The following EBF3 variants were observed in gnomAD, a reference collection of about 807,000 sequenced individuals.
EBF3 encodes EBF transcription factor 3, also known as transcription factor COE3.
Under a neutral mutation model 77.1 loss-of-function variants are expected in EBF3, and 18 were observed. That is an observed-to-expected ratio of 0.23 (90% CI 0.16 to 0.35). The LOEUF (loss-of-function observed/expected upper bound fraction) is 0.35. EBF3 is among the 10% of genes least tolerant of loss of function. The probability of loss-of-function intolerance (pLI) is 1.00; values close to 1 mark genes in which losing one functional copy is unlikely to be tolerated. For missense variants in EBF3, 558 were observed against 860.0 expected (o/e 0.65, Z 4.39); for synonymous variants, 350 against 343.5 (o/e 1.02, Z -0.21).
intron 6 of EBF3, among the ~76,000 whole-genome samples, chr10:129,923,706 A>G (rs1856462517): frequency 6.6e-6 from 1 of 152,248 alleles, no homozygotes; most frequent in Admixed American, 6.5e-5. Flanking sequence ...AAGAAAACAG[A>G]GGGCAAAGAT....
intron 6 of EBF3, among the ~76,000 whole-genome samples, chr10:129,937,367 G>A (rs1857435235): frequency 6.6e-6 from 1 of 152,114 alleles, no homozygotes. Context: ...GACCCTGAGT[G>A]GGAATACGAT....
chr10:129,935,253 C>A lies in EBF3; in HGVS notation c.554+22005G>T, dbSNP rs1467096383. 2.6e-5 allele frequency among the ~76,000 whole-genome samples: 4 copies of A among 152,266 alleles called. No homozygotes were observed. The East Asian group carries it at 7.7e-4, about 29-fold the overall frequency. ...GCACCTGTCACAGCAGCCACTGTGG[C>A]CCATGGCTGTCCCAGCACCCAGAGT... is the stretch of plus-strand genomic sequence containing the variant. On this transcript the variant is annotated intron_variant, in intron 6 of 16. Transcript: ENST00000440978. The surrounding 1 kb of genome is among the most constrained non-coding windows in gnomAD (Gnocchi z 4.2).
intron 7 of EBF3, among the ~76,000 whole-genome samples, chr10:129,874,984 C>A (rs1852656016): frequency 6.6e-6 from 1 of 151,766 alleles, no homozygotes; most frequent in South Asian, 2.1e-4. Flanking sequence ...GTTTTTAAAC[C>A]TAAACTTCTC....
chr10:129,841,127 T>G lies in EBF3; in HGVS notation c.1373-95A>C. The G allele has an allele frequency of 6.7e-7, 1 of 1,488,880 alleles. No homozygotes were observed. Among genetic ancestry groups the G allele is most frequent in the Non-Finnish European group, 9.0e-7 (1 of 1,106,832 alleles). 92.2% of individuals were successfully genotyped at this position (1,488,880 alleles called of 1,614,324 possible). On this transcript the variant is annotated intron_variant, in intron 13 of 16. Coordinates refer to ENST00000440978, the MANE Select transcript of EBF3 (RefSeq NM_001375380.1). The surrounding 1 kb of genome is among the most constrained non-coding windows in gnomAD (Gnocchi z 4.6). Reference sequence around the variant, plus strand: ...GAGAATCTATATCATATATTAACATTGCTAATTGACCCTGTGCTTTCCACC... The same window carrying G: ...GAGAATCTATATCATATATTAACATGGCTAATTGACCCTGTGCTTTCCACC...
chr10:129,873,141 G>A (rs910429393), intron 8 of EBF3, among the ~76,000 whole-genome samples: 1 of 152,304 alleles, frequency 6.6e-6, no homozygotes, highest in Non-Finnish European at 1.5e-5. Flanking sequence ...CTGGATGGGC[G>A]CTTCCGACAA....
At chr10:129,877,719 G>C (rs1333785171) in intron 7 of EBF3, 49 bp downstream of exon 7, 3 of 1,497,512 alleles carry the variant, frequency 2.0e-6, no homozygotes, top group Non-Finnish European at 2.8e-6. Flanking sequence ...ATTCAAATTT[G>C]GTATGAAAAG....
At chr10:129,869,464 G>A (rs984193834) in intron 8 of EBF3, among the ~76,000 whole-genome samples, 2 of 152,016 alleles carry the variant, frequency 1.3e-5, no homozygotes, top group Non-Finnish European at 2.9e-5. Context: ...CCCTCCAAAG[G>A]ACATCTTGGG....
At chr10:129,950,383 G>A (rs1589943080) in intron 6 of EBF3, among the ~76,000 whole-genome samples, 7 of 152,236 alleles carry the variant, frequency 4.6e-5, no homozygotes, top group Admixed American at 4.6e-4. Context: ...GAGAGGGATC[G>A]TTTTCATTTG....
intron 6 of EBF3, among the ~76,000 whole-genome samples, chr10:129,910,033 A>G (rs1442580979): frequency 6.6e-6 from 1 of 152,214 alleles, no homozygotes; most frequent in Non-Finnish European, 1.5e-5. Context: ...AGCAGACAGT[A>G]AGCAACGCGT....
At chr10:129,852,260 A>G (rs1408987505) in intron 10 of EBF3, among the ~76,000 whole-genome samples, 1 of 152,256 alleles carries the variant, frequency 6.6e-6, no homozygotes, top group African/African-American at 2.4e-5. Context: ...CTTTACATGC[A>G]TTAAGTCATA....
chr10:129,870,278 C>T lies in EBF3; in HGVS notation c.782-2366G>A, dbSNP rs566232150. Among the ~76,000 whole-genome samples, 5 of 152,202 alleles carry T rather than the reference C, an allele frequency of 3.3e-5. 1 individual carries two copies. Among genetic ancestry groups the T allele is most frequent in the Admixed American group, 3.3e-4 (5 of 15,288 alleles). ...ATGGGAACCATAGCAAAATGAATTA[C>T]ACAGACAGCGTTAGAGATCTAATGA... On this transcript the variant is annotated intron_variant, in intron 8 of 16. Coordinates refer to ENST00000440978, the MANE Select transcript of EBF3 (RefSeq NM_001375380.1). This position sits in a 1 kb window ranked among gnomAD's most constrained non-coding sequence, Gnocchi z 4.4.
intron 6 of EBF3, among the ~76,000 whole-genome samples, chr10:129,889,737 TG>T (rs796420956): frequency 7.5e-5 from 11 of 146,224 alleles, no homozygotes; most frequent in African/African-American, 2.5e-4. Flanking sequence ...AATGTCCTGT[TG>T]GGTGCAGGGA....
intron 6 of EBF3, among the ~76,000 whole-genome samples, chr10:129,924,707 C>G (rs911741752): frequency 6.6e-6 from 1 of 152,154 alleles, no homozygotes; most frequent in Non-Finnish European, 1.5e-5. Flanking sequence ...TGCTCTGTTG[C>G]CCGAGCTAGA....
At position 129,842,161 on chromosome 10, in the gene EBF3, GGCT is replaced by G. The variant is rs1298189712; in HGVS notation, c.1324_1326del (p.Ser442del). On this transcript the variant is annotated inframe_deletion, in exon 13 of 17. Coordinates refer to ENST00000440978, the MANE Select transcript of EBF3 (RefSeq NM_001375380.1). This position sits in a 1 kb window ranked among gnomAD's most constrained non-coding sequence, Gnocchi z 4.4. ...GTCTCTGACACGTTGACGGCTAGCT[GGCT>G]GCTGAAGGAGTTGACGCCCATCATG... 2 of 1,614,142 alleles carry G rather than the reference GGCT, an allele frequency of 1.2e-6. No individual in the cohort carries two copies. Among genetic ancestry groups the G allele is most frequent in the Admixed American group, 1.7e-5 (1 of 60,012 alleles).
chr10:129,840,077 G>A (rs1419832660), intron 15 of EBF3, among the ~76,000 whole-genome samples, 168 bp downstream of exon 15: 1 of 152,218 alleles, frequency 6.6e-6, no homozygotes, highest in African/African-American at 2.4e-5. Flanking sequence ...AGTGCACAGG[G>A]GTCCTCGCTG....
At chr10:129,934,250 C>A (rs1184698501) in intron 6 of EBF3, among the ~76,000 whole-genome samples, 2 of 151,968 alleles carry the variant, frequency 1.3e-5, no homozygotes, top group Non-Finnish European at 2.9e-5. Context: ...ACCCCAGAGA[C>A]CCTCCCCACT....
In EBF3 at chr10:129,842,270, C is replaced by T. The variant is rs144257779; in HGVS notation, c.1218G>A (p.Ala406=). The T allele has an allele frequency of 4.0e-5, 64 of 1,603,980 alleles. No homozygotes were observed. The highest frequency in any genetic ancestry group is 3.5e-4 in the African/African-American group (26 of 74,670). Residue 406 remains alanine, a synonymous_variant, in exon 13 of 17, where the codon GCG becomes GCA. Coordinates refer to ENST00000440978, the MANE Select transcript of EBF3 (RefSeq NM_001375380.1). This position sits in a 1 kb window ranked among gnomAD's most constrained non-coding sequence, Gnocchi z 4.4. ...CGCTGTACAGCGCCTCGGCGATGTC[C>T]GCCGCTCGCTTCAAGATGATCTCCT... The part of the protein sequence containing the change: ...NNQEIILKRA[A]DIAEALYSVP...
intron 10 of EBF3, among the ~76,000 whole-genome samples, chr10:129,860,886 C>T (rs1375598964): frequency 5.3e-5 from 8 of 152,216 alleles, no homozygotes; most frequent in African/African-American, 1.9e-4. Flanking sequence ...ATGAATGGAA[C>T]TCTCTAAATG....
intron 10 of EBF3, among the ~76,000 whole-genome samples, chr10:129,857,930 G>A (rs1296978780): frequency 3.3e-5 from 5 of 152,206 alleles, no homozygotes; most frequent in Admixed American, 6.5e-5. Flanking sequence ...CTTCACATAA[G>A]ACACCGTGCT....
Sources: gnomAD v4.1 joint callset for allele counts (sites outside exome capture counted in the v4.1 genomes callset) on GRCh38, gnomAD v4.1.1 for gene constraint, Gnocchi (gnomAD v3.1) non-coding constraint, MANE v1.5 for transcripts, NCBI Gene and HGNC (gene_info 2026-07-23, HGNC 2026-07-21) for gene names.